Variants in EDIL3 observed in about 807,000 individuals in gnomAD.
The protein encoded by EDIL3 is EGF like and discoidin domains 3, also known as EGF-like repeat and discoidin I-like domain-containing protein 3.
A neutral mutation model predicts 67.4 loss-of-function variants in EDIL3; 37 were observed. That is an observed-to-expected ratio of 0.55 (90% CI 0.42 to 0.72). The LOEUF is 0.72. Among genes scored for constraint, EDIL3 ranks in the 30% least tolerant of loss-of-function variants. EDIL3 has a pLI of 0.00. For missense variants in EDIL3, 527 were observed against 586.3 expected, an observed-to-expected ratio of 0.90 and a Z score of 1.04; for synonymous variants, 195 against 196.3, an observed-to-expected ratio of 0.99 and a Z score of 0.05.
At chr5:84,124,083 G>A (rs995162690) in intron 5 of EDIL3, among the ~76,000 whole-genome samples, 18 of 151,792 alleles carry the variant, frequency 1.2e-4, no homozygotes, top group African/African-American at 1.2e-4. Flanking sequence ...TTAGCCACTC[G>A]ACTGCCTGAA....
chr5:84,337,952 A>C (rs1045676330), intron 1 of EDIL3, among the ~76,000 whole-genome samples: 1 of 152,168 alleles, frequency 6.6e-6, no homozygotes, highest in Admixed American at 6.5e-5. Context: ...TTTTCTATTT[A>C]AGACACGCTT....
chr5:83,965,685 T>C (rs909389842), intron 9 of EDIL3, among the ~76,000 whole-genome samples: 1 of 151,952 alleles, frequency 6.6e-6, no homozygotes, highest in African/African-American at 2.4e-5. Context: ...GGTGGAGATG[T>C]TTTCTCCCCA....
At chr5:84,271,930 C>T (rs1046151738) in intron 1 of EDIL3, among the ~76,000 whole-genome samples, 1 of 152,112 alleles carries the variant, frequency 6.6e-6, no homozygotes, top group Admixed American at 6.5e-5. Flanking sequence ...GCTTTTTTCT[C>T]AGAAGATTTT....
intron 4 of EDIL3, among the ~76,000 whole-genome samples, chr5:84,165,827 T>C (rs1329099107): frequency 3.3e-5 from 5 of 152,154 alleles, no homozygotes; most frequent in African/African-American, 1.2e-4. Context: ...TTGTAGACAG[T>C]TATGCATGGG....
intron 9 of EDIL3, among the ~76,000 whole-genome samples, chr5:84,056,710 C>G (rs1374516952): frequency 6.6e-6 from 1 of 151,892 alleles, no homozygotes; most frequent in South Asian, 2.1e-4. Flanking sequence ...AAAAAAATAG[C>G]AAGAGATTGA....
chr5:84,077,562 C>T (rs1193178358), intron 6 of EDIL3, among the ~76,000 whole-genome samples: 1 of 152,100 alleles, frequency 6.6e-6, no homozygotes, highest in Non-Finnish European at 1.5e-5. Flanking sequence ...GGGATCTGCC[C>T]TTTATAAAAC....
intron 1 of EDIL3, among the ~76,000 whole-genome samples, chr5:84,350,274 T>C (rs2112188107): frequency 6.6e-6 from 1 of 152,250 alleles, no homozygotes; most frequent in East Asian, 1.9e-4. Flanking sequence ...ATAACATTAA[T>C]ATTTATTATG....
At chr5:84,383,825 C>A (rs1398996854) in intron 1 of EDIL3, among the ~76,000 whole-genome samples, 6 of 152,168 alleles carry the variant, frequency 3.9e-5, no homozygotes, top group Admixed American at 1.3e-4. Flanking sequence ...CCAGGCCCTG[C>A]GCCAGAGCAC....
chr5:84,110,349 C>T (rs1420134464), intron 5 of EDIL3, among the ~76,000 whole-genome samples: 1 of 152,090 alleles, frequency 6.6e-6, no homozygotes, highest in Non-Finnish European at 1.5e-5. Context: ...CCCCCATATC[C>T]TATTAAATTC....
At chr5:84,021,675 G>A (rs1745719365) in intron 9 of EDIL3, among the ~76,000 whole-genome samples, 1 of 151,990 alleles carries the variant, frequency 6.6e-6, no homozygotes, top group Non-Finnish European at 1.5e-5. Context: ...ATATTTGGCA[G>A]TTGTTGGCTA....
chr5:84,119,989 A>G (rs1747742759), intron 5 of EDIL3, among the ~76,000 whole-genome samples: 2 of 151,962 alleles, frequency 1.3e-5, no homozygotes, highest in Non-Finnish European at 2.9e-5. Context: ...ATGTCTTGGG[A>G]AAAAAATTCA....
chr5:84,202,391 G>C (rs1406125201), intron 3 of EDIL3, among the ~76,000 whole-genome samples: 2 of 152,236 alleles, frequency 1.3e-5, no homozygotes, highest in Admixed American at 1.3e-4. Context: ...AGCAAGAAAA[G>C]GTTAATAGGA....
Position 83,943,535 on chromosome 5 carries a change from T to G in EDIL3, c.1327A>C (p.Arg443=). Residue 443 remains arginine (R), a synonymous_variant, in exon 11 of 11, where the codon AGA becomes CGA. Coordinates refer to ENST00000296591, the MANE Select transcript of EDIL3 (RefSeq NM_005711.5). ...ATGGGAGGGTCGATGACATTTTTTC[T>G]GTGAGTGTCATTGTCAAAATTTCCC... is the stretch of plus-strand genomic sequence containing the variant. ...FQGNFDNDTH[R]KNVIDPPIYA... 1.2e-6 allele frequency: 2 copies of G among 1,612,506 alleles called. No homozygotes were observed. The highest frequency in any genetic ancestry group is 1.7e-6 in the Non-Finnish European group (2 of 1,179,054).
chr5:84,381,482 C>T (rs1748073736), intron 1 of EDIL3, among the ~76,000 whole-genome samples: 1 of 152,078 alleles, frequency 6.6e-6, no homozygotes, highest in African/African-American at 2.4e-5. Context: ...ATAAAAGAAA[C>T]TCCTTATTTC....
chr5:84,148,112 A>C (rs1269965207), intron 4 of EDIL3, among the ~76,000 whole-genome samples: 1 of 152,128 alleles, frequency 6.6e-6, no homozygotes, highest in Admixed American at 6.6e-5. Context: ...TATGAGAAAA[A>C]TATCTTGTAA....
chr5:84,317,434 C>T (rs566454862), intron 1 of EDIL3, among the ~76,000 whole-genome samples: 1 of 152,012 alleles, frequency 6.6e-6, no homozygotes, highest in South Asian at 2.1e-4. Flanking sequence ...GGGATATTAC[C>T]ACTGATCCCA....
At chr5:84,138,167 TAC>T (rs1748127400) in intron 4 of EDIL3, among the ~76,000 whole-genome samples, 1 of 152,224 alleles carries the variant, frequency 6.6e-6, no homozygotes, top group African/African-American at 2.4e-5. Context: ...TGGGAGCCAG[TAC>T]AGTAGTTGGA....
intron 3 of EDIL3, among the ~76,000 whole-genome samples, chr5:84,204,683 T>A (rs1253404645): frequency 6.6e-6 from 1 of 151,906 alleles, no homozygotes; most frequent in African/African-American, 2.4e-5. Context: ...AATGTCAGTA[T>A]CCTTCAAAGT....
intron 9 of EDIL3, among the ~76,000 whole-genome samples, chr5:83,981,776 C>T (rs371376426): frequency 9.9e-5 from 15 of 151,996 alleles, no homozygotes; most frequent in African/African-American, 3.4e-4. Flanking sequence ...TTTCACATGA[C>T]CTCTTTTTAT....
Sources: gnomAD v4.1 joint callset for allele counts (sites outside exome capture counted in the v4.1 genomes callset) on GRCh38, gnomAD v4.1.1 for gene constraint, MANE v1.5 for transcripts, NCBI Gene and HGNC (gene_info 2026-07-23, HGNC 2026-07-21) for gene names.